NUF2: variants seen among roughly 807,000 people sequenced by gnomAD.
NUF2 encodes kinetochore protein Nuf2.
NUF2 carries 34 observed loss-of-function variants against 61.8 expected under a neutral mutation model. The observed-to-expected ratio is 0.55, with a 90% CI of 0.42 to 0.73. The LOEUF (loss-of-function observed/expected upper bound fraction) is 0.73, where lower values mean the gene tolerates loss of function less well. Among genes scored for constraint, NUF2 ranks in the 30% least tolerant of loss-of-function variants. NUF2 has a pLI of 0.00. For synonymous variants in NUF2, 172 were observed against 181.6 expected, an observed-to-expected ratio of 0.95 and a Z score of 0.42; for missense variants, 445 against 539.1, an observed-to-expected ratio of 0.83 and a Z score of 1.73.
chr1:163,323,632 T>G (rs2101661881), intron 1 of NUF2, among the ~76,000 whole-genome samples: 1 of 151,980 alleles, frequency 6.6e-6, no homozygotes, highest in South Asian at 2.1e-4. Context: ...GGCAGGAGGA[T>G]AGCTTGAGCC....
At chr1:163,337,699 T>C (rs1356803098) in intron 6 of NUF2, among the ~76,000 whole-genome samples, 1 of 152,100 alleles carries the variant, frequency 6.6e-6, no homozygotes, top group East Asian at 1.9e-4. Flanking sequence ...TCACTCTTGT[T>C]GGTTCCCATT....
intron 11 of NUF2, 105 bp from the exon 12 acceptor site, chr1:163,347,655 CTTT>C: frequency 2.4e-6 from 2 of 825,608 alleles, no homozygotes. Flanking sequence ...AGTTTTGTCT[CTTT>C]TTAAATTTGT....
chr1:163,337,677 T>C (rs1650809044), intron 6 of NUF2, among the ~76,000 whole-genome samples: 1 of 152,062 alleles, frequency 6.6e-6, no homozygotes, highest in East Asian at 1.9e-4. Flanking sequence ...ATTACCCAAG[T>C]TGGGTTAGAT....
intron 11 of NUF2, among the ~76,000 whole-genome samples, chr1:163,347,526 G>T (rs888206061): frequency 1.3e-5 from 2 of 152,072 alleles, no homozygotes; most frequent in Non-Finnish European, 2.9e-5. Context: ...CTCCCTTTCA[G>T]TCTGTACTGA....
chr1:163,352,056 TCTCTCTTTTG>T (rs1358841445), intron 13 of NUF2, among the ~76,000 whole-genome samples: 1 of 152,054 alleles, frequency 6.6e-6, no homozygotes, highest in Non-Finnish European at 1.5e-5. Flanking sequence ...CTTTTCTTTT[TCTCTCTTTTG>T]CTCAACTTCT....
intron 5 of NUF2, among the ~76,000 whole-genome samples, chr1:163,330,607 A>C (rs1650562795): frequency 6.6e-6 from 1 of 152,088 alleles, no homozygotes; most frequent in Non-Finnish European, 1.5e-5. Flanking sequence ...TCTTCCCCTG[A>C]AAAAGCCATT....
intron 7 of NUF2, 103 bp downstream of exon 7, chr1:163,338,196 C>A: frequency 1.3e-6 from 1 of 753,062 alleles, no homozygotes; most frequent in South Asian, 1.8e-5. Flanking sequence ...TCTCTTTTAT[C>A]TCCCTTAATA....
At chr1:163,349,693 A>T (rs986592411) in intron 13 of NUF2, among the ~76,000 whole-genome samples, 2 of 152,194 alleles carry the variant, frequency 1.3e-5, no homozygotes, top group African/African-American at 4.8e-5. Flanking sequence ...CACAGTAGAC[A>T]ATTCCCTTAT....
chr1:163,352,337 T>C (rs1049057544), intron 13 of NUF2, among the ~76,000 whole-genome samples: 9 of 152,246 alleles, frequency 5.9e-5, no homozygotes, highest in African/African-American at 2.2e-4. Context: ...TTTAGATTCT[T>C]CTGCATCAAA....
chr1:163,331,098 A>G (rs1056373681), intron 5 of NUF2, among the ~76,000 whole-genome samples: 3 of 150,636 alleles, frequency 2.0e-5, no homozygotes, highest in African/African-American at 7.3e-5. Context: ...TGATGAGAGC[A>G]GTCATCATTA....
intron 9 of NUF2, among the ~76,000 whole-genome samples, chr1:163,341,106 C>T (rs1650929253): frequency 6.6e-6 from 1 of 152,166 alleles, no homozygotes; most frequent in Non-Finnish European, 1.5e-5. Context: ...GAACAAGAGA[C>T]TGTCCCTTTC....
At chr1:163,336,900 A>T in intron 6 of NUF2, 52 bp downstream of exon 6, 1 of 1,107,194 alleles carries the variant, frequency 9.0e-7, no homozygotes, top group Non-Finnish European at 1.4e-6. Flanking sequence ...AACATTATTT[A>T]TGAACTTATA....
At chr1:163,338,544 G>A (rs1212093128) in intron 7 of NUF2, among the ~76,000 whole-genome samples, 3 of 151,962 alleles carry the variant, frequency 2.0e-5, no homozygotes, top group Non-Finnish European at 4.4e-5. Flanking sequence ...TGATTTCTTG[G>A]CCTTCCTTAT....
At chr1:163,345,612 T>C in intron 10 of NUF2, 66 bp from the exon 11 acceptor site, 1 of 1,400,776 alleles carries the variant, frequency 7.1e-7, no homozygotes, top group Non-Finnish European at 9.8e-7. Flanking sequence ...AGCAAACAAA[T>C]TGATATTACT....
At chr1:163,329,970 A>G (rs1406291317) in intron 5 of NUF2, among the ~76,000 whole-genome samples, 1 of 152,174 alleles carries the variant, frequency 6.6e-6, no homozygotes, top group Non-Finnish European at 1.5e-5. Context: ...ACAGCTATAT[A>G]TCATTCTGGA....
At chr1:163,330,655 G>T (rs1203787458) in intron 5 of NUF2, among the ~76,000 whole-genome samples, 1 of 151,942 alleles carries the variant, frequency 6.6e-6, no homozygotes, top group East Asian at 1.9e-4. Flanking sequence ...TTCATTTGGG[G>T]GATATTTGAC....
At chr1:163,327,996 A>AT (rs1650482267) in intron 3 of NUF2, 1 of 419,786 alleles carries the variant, frequency 2.4e-6, no homozygotes, top group Non-Finnish European at 4.2e-6. Flanking sequence ...AATACCTGAT[A>AT]TTTAGTAAAT....
At chr1:163,343,952 G>A (rs1571393298) in intron 10 of NUF2, 82 bp downstream of exon 10, 1 of 893,388 alleles carries the variant, frequency 1.1e-6, no homozygotes, top group South Asian at 3.5e-5. Flanking sequence ...GTTAATTTTT[G>A]GATTTCTGAA....
At chr1:163,345,608 C>A in intron 10 of NUF2, 70 bp from the exon 11 acceptor site, 3 of 1,382,170 alleles carry the variant, frequency 2.2e-6, no homozygotes, top group Non-Finnish European at 1.0e-6. Context: ...TAAGAGCAAA[C>A]AAATTGATAT....
Sources: allele counts gnomAD v4.1 joint callset (sites outside exome capture counted in the v4.1 genomes callset), GRCh38; gene constraint gnomAD v4.1.1; transcripts MANE v1.5; gene names NCBI Gene and HGNC (gene_info 2026-07-23, HGNC 2026-07-21).